TPRG1: variants seen among roughly 807,000 people sequenced by gnomAD.
TPRG1 encodes tumor protein p63-regulated gene 1 protein.
Under a neutral mutation model 29.3 loss-of-function variants are expected in TPRG1, and 29 were observed. That is an observed-to-expected ratio of 0.99 (90% confidence interval 0.74 to 1.35). The LOEUF is 1.35. TPRG1 is among the 40% of genes most tolerant of loss of function. The pLI is 0.00. For synonymous variants in TPRG1, 130 were observed against 116.8 expected, an observed-to-expected ratio of 1.11 and a Z score of -0.73; for missense variants, 327 against 335.0, an observed-to-expected ratio of 0.98 and a Z score of 0.19.
At chr3:189,161,568 A>G (rs1252557525) in intron 5 of TPRG1, among the ~76,000 whole-genome samples, 2 of 152,172 alleles carry the variant, frequency 1.3e-5, no homozygotes, top group African/African-American at 4.8e-5. Context: ...CCTCAGGCCC[A>G]AAAGCCTGGC....
At chr3:189,022,889 G>GC (rs532338190) in intron 3 of TPRG1, among the ~76,000 whole-genome samples, 137 of 152,318 alleles carry the variant, frequency 9.0e-4, no homozygotes, top group Middle Eastern at 3.4e-3. Flanking sequence ...GACTCCGTGG[G>GC]GTAGGACCCT....
intron 1 of TPRG1, among the ~76,000 whole-genome samples, chr3:189,178,628 G>T (rs1358135746): frequency 6.6e-6 from 1 of 152,216 alleles, no homozygotes; most frequent in Non-Finnish European, 1.5e-5. Flanking sequence ...TCTGGTAAGA[G>T]TTATCATTTT....
chr3:189,075,062 C>T lies in TPRG1; in HGVS notation c.-463+51116C>T, dbSNP rs755944681. On this transcript the variant is annotated intron_variant, in intron 4 of 10. Transcript: ENST00000433971. ...TCCTGACCTCGTGATCCACCTACCTCGGCCTCCCCAGCCTACCCCTTAATA... is the reference window on the plus strand; with the variant it reads ...TCCTGACCTCGTGATCCACCTACCTTGGCCTCCCCAGCCTACCCCTTAATA... 2.8e-4 allele frequency among the ~76,000 whole-genome samples: 43 copies of T among 152,248 alleles called. No individual in the cohort carries two copies. In the Middle Eastern group the frequency reaches 0.02, roughly 72 times the overall value.
In TPRG1 at chr3:189,055,430, G is replaced by A. The variant is rs9857896; in HGVS notation, c.-463+31484G>A. 2.4e-3 allele frequency among the ~76,000 whole-genome samples: 363 copies of A among 152,264 alleles called. 3 individuals are homozygous for A. Among genetic ancestry groups the A allele is most frequent in the African/African-American group, 8.4e-3 (350 of 41,550 alleles). ...AGAGTACGCTATCAACCAGAGGTCC[G>A]CAAGGGCCCACTCAGGCTCTGATTC... On this transcript the variant is annotated intron_variant, in intron 4 of 10. Transcript: ENST00000433971.
At chr3:189,041,253 T>C (rs1244812922) in intron 4 of TPRG1, among the ~76,000 whole-genome samples, 3 of 152,294 alleles carry the variant, frequency 2.0e-5, no homozygotes, top group Middle Eastern at 3.4e-3. Context: ...AGCTGGATTC[T>C]CATGTAGCAT....
rs141811875 is a variant in TPRG1, at chr3:189,080,177, C to T, written c.-462-46880C>T. Among the ~76,000 whole-genome samples, 10 of 152,160 alleles carry T rather than the reference C, an allele frequency of 6.6e-5. No individual in the cohort carries two copies. The East Asian group carries it at 1.5e-3, about 24-fold the overall frequency. On this transcript the variant is annotated intron_variant, in intron 4 of 10. Coordinates refer to the TPRG1 transcript ENST00000433971. ...TCAAACTTCTTTTAAGTTTGGACAG[C>T]GAAACAGAAATCATGCTGGATCTTT... is the stretch of plus-strand genomic sequence containing the variant.
chr3:189,115,229 T>C (rs1252939118), intron 1 of TPRG1, among the ~76,000 whole-genome samples: 1 of 152,240 alleles, frequency 6.6e-6, no homozygotes, highest in Non-Finnish European at 1.5e-5. Context: ...TCTGGAATTA[T>C]TTCTCAAATG....
At chr3:189,053,438 T>A (rs183094883) in intron 4 of TPRG1, among the ~76,000 whole-genome samples, 1 of 152,170 alleles carries the variant, frequency 6.6e-6, no homozygotes, top group Non-Finnish European at 1.5e-5. Context: ...AACCAAACAT[T>A]TGGGCTCCCG....
chr3:189,001,736 TATGGAAGTC>T (rs1316301509), intron 2 of TPRG1, among the ~76,000 whole-genome samples: 1 of 152,102 alleles, frequency 6.6e-6, no homozygotes, highest in East Asian at 1.9e-4. Context: ...TGGCTCAAGA[TATGGAAGTC>T]ATGGAAGTGA....
At chr3:189,003,702 G>A (rs1375003857) in intron 2 of TPRG1, among the ~76,000 whole-genome samples, 3 of 152,146 alleles carry the variant, frequency 2.0e-5, no homozygotes, top group African/African-American at 7.2e-5. Context: ...TGGCATTACA[G>A]TTCTCTCTTG....
At chr3:189,277,268 T>C (rs1455058779) in intron 4 of TPRG1, among the ~76,000 whole-genome samples, 1 of 152,094 alleles carries the variant, frequency 6.6e-6, no homozygotes, top group East Asian at 1.9e-4. Context: ...CCAAACATAA[T>C]TATCAAGCTA....
At chr3:189,285,356 T>C (rs1717879047) in intron 4 of TPRG1, among the ~76,000 whole-genome samples, 1 of 152,180 alleles carries the variant, frequency 6.6e-6, no homozygotes, top group African/African-American at 2.4e-5. Flanking sequence ...TAGGCTGCTA[T>C]GGAGCTCCCC....
chr3:189,086,416 T>C (rs1051618249), intron 4 of TPRG1, among the ~76,000 whole-genome samples: 3 of 151,764 alleles, frequency 2.0e-5, no homozygotes, highest in African/African-American at 4.8e-5. Flanking sequence ...TGCACTGCAG[T>C]GGCACAATCA....
chr3:189,212,147 T>A (rs1735367574), intron 2 of TPRG1: 1 of 152,098 alleles, frequency 6.6e-6, no homozygotes, highest in South Asian at 2.1e-4. Flanking sequence ...TGAAAGCGAT[T>A]TGGGATGGGG....
intron 4 of TPRG1, among the ~76,000 whole-genome samples, chr3:189,047,575 A>T (rs1039032409): frequency 5.3e-5 from 8 of 152,234 alleles, no homozygotes; most frequent in Admixed American, 3.9e-4. Context: ...TCTTCTTTTC[A>T]TGAAAGATTT....
chr3:189,225,426 G>T (rs896547125), intron 3 of TPRG1, among the ~76,000 whole-genome samples: 3 of 152,178 alleles, frequency 2.0e-5, no homozygotes, highest in African/African-American at 7.2e-5. Flanking sequence ...GTTACTGAAG[G>T]ATATCAAATA....
intron 3 of TPRG1, among the ~76,000 whole-genome samples, chr3:189,142,216 G>A (rs560069063): frequency 4.2e-4 from 64 of 152,274 alleles, no homozygotes; most frequent in African/African-American, 1.5e-3. Flanking sequence ...GTGGTGATGC[G>A]AGGTGGTGGT....
At chr3:189,248,610 G>T (rs1741702409) in intron 4 of TPRG1, among the ~76,000 whole-genome samples, 1 of 150,672 alleles carries the variant, frequency 6.6e-6, no homozygotes, top group Non-Finnish European at 1.5e-5. Context: ...CTTCAGTGTG[G>T]CTTTTTCAGA....
Position 189,321,054 on chromosome 3 carries a change from A to G in TPRG1, c.*234A>G. ...TAAAACTAGAAAATAAATGCTGCTG[A>G]GCCTATCAAATACTGTTATCAAATG... On this transcript the variant is annotated 3_prime_UTR_variant, in exon 6 of 6. Coordinates refer to ENST00000345063, the MANE Select transcript of TPRG1 (RefSeq NM_198485.4). 3 of 362,210 alleles carry G rather than the reference A, an allele frequency of 8.3e-6. No homozygotes were observed. The highest frequency in any genetic ancestry group is 7.3e-4 in the Middle Eastern group (1 of 1,374). The allele number at this position is 362,210 out of a possible 1,614,324, so 22.4% of individuals were successfully genotyped here. A position where few individuals can be genotyped will look rare whatever the true frequency, so the allele number is the denominator to read the frequency against.
Sources: allele counts gnomAD v4.1 joint callset (sites outside exome capture counted in the v4.1 genomes callset), GRCh38; gene constraint gnomAD v4.1.1; transcripts MANE v1.5; gene names NCBI Gene and HGNC (gene_info 2026-07-23, HGNC 2026-07-21).